Variants in CTNNA1 observed in about 807,000 individuals in gnomAD.
The protein encoded by CTNNA1 is catenin alpha 1.
Under a neutral mutation model 98.4 loss-of-function variants are expected in CTNNA1, and 37 were observed. The ratio of observed to expected loss-of-function variants is 0.38; its 90% CI spans 0.29 to 0.49. The LOEUF is 0.49. Ranked by LOEUF, CTNNA1 falls within the 20% of genes least tolerant of loss-of-function variation. The probability of loss-of-function intolerance (pLI) is 0.95; values close to 1 mark genes in which losing one functional copy is unlikely to be tolerated. For missense variants in CTNNA1, 761 were observed against 1,147.2 expected (o/e 0.66, Z 4.86); for synonymous variants, 404 against 413.2 (o/e 0.98, Z 0.27).
At chr5:138,882,953 C>T (rs1198715674) in intron 7 of CTNNA1, among the ~76,000 whole-genome samples, 2 of 152,172 alleles carry the variant, frequency 1.3e-5, no homozygotes, top group African/African-American at 4.8e-5. Flanking sequence ...CTCAGCCTCC[C>T]GAGTAGCTGG....
chr5:138,894,557 G>A (rs1756315975), intron 9 of CTNNA1, among the ~76,000 whole-genome samples: 1 of 152,030 alleles, frequency 6.6e-6, no homozygotes, highest in South Asian at 2.1e-4. Context: ...ACAAGTGTGA[G>A]CCACTGCGCC....
At position 138,810,792 on chromosome 5, in the gene CTNNA1, A is replaced by G. The variant is rs556625001; in HGVS notation, c.468+588A>G. Reference sequence around the variant, plus strand: ...CCATTGTCATCATGGCCCGTTCTCAATGAGCTGTTGGGTACACCTCCCAGA... The same window carrying G: ...CCATTGTCATCATGGCCCGTTCTCAGTGAGCTGTTGGGTACACCTCCCAGA... On this transcript the variant is annotated intron_variant, in intron 4 of 17. Transcript: ENST00000302763. Among the ~76,000 whole-genome samples the G allele has an allele frequency of 2.6e-4, 39 of 152,276 alleles. No individual in the cohort carries two copies. The East Asian group carries it at 6.8e-3, about 26-fold the overall frequency.
rs1281831035 is a variant in CTNNA1 at position 138,827,931 on chromosome 5, CA to C, written c.1062+214del. ...TGAGAAATTTTCAACTTATAAAAAT[CA>C]TACAGTGAATACCTAGGAAATTTAT... On this transcript the variant is annotated intron_variant, in intron 7 of 17. Transcript: ENST00000302763. 17 of 571,792 alleles carry C rather than the reference CA, an allele frequency of 3.0e-5. No individual in the cohort carries two copies. In the African/African-American group the frequency reaches 3.2e-4, roughly 11 times the overall value. 35.4% of individuals were successfully genotyped at this position (571,792 alleles called of 1,614,324 possible).
chr5:138,757,696 C>T (rs989381845), intron 1 of CTNNA1, among the ~76,000 whole-genome samples: 1 of 152,126 alleles, frequency 6.6e-6, no homozygotes, highest in African/African-American at 2.4e-5. Context: ...GGAAGGGAGC[C>T]TTGTAAGCTC....
intron 7 of CTNNA1, among the ~76,000 whole-genome samples, chr5:138,857,187 A>G (rs902105816): frequency 6.6e-6 from 1 of 152,344 alleles, no homozygotes; most frequent in East Asian, 1.9e-4. Flanking sequence ...CAAAACAAGA[A>G]AAATTGCCAG....
At chr5:138,814,294 G>A (rs1157894933) in intron 5 of CTNNA1, among the ~76,000 whole-genome samples, 2 of 151,432 alleles carry the variant, frequency 1.3e-5, no homozygotes, top group African/African-American at 2.4e-5. Flanking sequence ...TGTTGCCCAG[G>A]CTGGAGCGCA....
chr5:138,895,080 T>C lies in CTNNA1; in HGVS notation c.1296+7438T>C, dbSNP rs1397415820. 2.6e-5 allele frequency among the ~76,000 whole-genome samples: 4 copies of C among 152,198 alleles called. No homozygotes were observed. The East Asian group carries it at 7.7e-4, about 29-fold the overall frequency. ...CCCCACCCCATACTCCAAAAGAATA[T>C]AAGTTATCTGAGGACATGGGCCAAG... On this transcript the variant is annotated intron_variant, in intron 9 of 17. Coordinates refer to ENST00000302763, the MANE Select transcript of CTNNA1 (RefSeq NM_001903.5).
chr5:138,925,656 C>T (rs1475353275), intron 13 of CTNNA1, among the ~76,000 whole-genome samples: 1 of 152,156 alleles, frequency 6.6e-6, no homozygotes, highest in African/African-American at 2.4e-5. Flanking sequence ...TAAACAGTCT[C>T]TACAACATGA....
At chr5:138,769,365 TTTA>T (rs1753272609) in intron 1 of CTNNA1, among the ~76,000 whole-genome samples, 1 of 151,388 alleles carries the variant, frequency 6.6e-6, no homozygotes, top group Admixed American at 6.6e-5. Flanking sequence ...TTTATTTTTA[TTTA>T]TTATTTTTGG....
chr5:138,796,090 A>G (rs1262572013), intron 3 of CTNNA1, among the ~76,000 whole-genome samples: 2 of 152,198 alleles, frequency 1.3e-5, no homozygotes, highest in African/African-American at 4.8e-5. Flanking sequence ...ACTATCCTCT[A>G]GAGAGTAATA....
At position 138,874,789 on chromosome 5, in the gene CTNNA1, C is replaced by G. The variant is rs1751123284; in HGVS notation, c.1063-11423C>G. On this transcript the variant is annotated intron_variant, in intron 7 of 17. Transcript: ENST00000302763. The surrounding 1 kb of genome is among the most constrained non-coding windows in gnomAD (Gnocchi z 4.1). ...TGTCATCATCGATATATGCTTTTAC[C>G]TAAACCTCAAAATCCAAAATATGAT... 2 of 1,043,856 alleles carry G rather than the reference C, an allele frequency of 1.9e-6. No homozygotes were observed. The highest frequency in any genetic ancestry group is 2.9e-6 in the Non-Finnish European group (2 of 694,968). 64.7% of individuals were successfully genotyped at this position (1,043,856 alleles called of 1,614,324 possible). A position where few individuals can be genotyped will look rare whatever the true frequency, so the allele number is the denominator to read the frequency against.
At chr5:138,829,937 C>T (rs1182919209) in intron 7 of CTNNA1, among the ~76,000 whole-genome samples, 7 of 151,830 alleles carry the variant, frequency 4.6e-5, no homozygotes, top group African/African-American at 1.5e-4. Flanking sequence ...GAGGCTGAGG[C>T]GGGCAGATCA....
chr5:138,933,895 T>C lies in CTNNA1; in HGVS notation c.2527T>C (p.Tyr843His), dbSNP rs1189986841. 6.2e-7 allele frequency: 1 copy of C among 1,614,140 alleles called. No individual in the cohort carries two copies. The highest frequency in any genetic ancestry group is 1.3e-5 in the African/African-American group (1 of 75,024). Residue 843 changes from tyrosine (Y) to histidine (H), a missense_variant, in exon 18 of 18, where the codon TAC becomes CAC. By Grantham distance (83) the Tyr-to-His change is moderately conservative. Transcript: ENST00000302763. ...VKASYVASTKYQKSQGMASLN... is the reference protein window; with the variant it reads ...VKASYVASTKHQKSQGMASLN... The stretch of plus-strand genomic sequence containing the variant: ...GGCATCCTACGTCGCCTCTACCAAA[T>C]ACCAAAAGTCACAGGGTATGGCTTC...
chr5:138,811,895 A>T, intron 4 of CTNNA1: 1 of 279,412 alleles, frequency 3.6e-6, no homozygotes, highest in Non-Finnish European at 6.9e-6. Context: ...GCTCGGCATC[A>T]GAGGGAGACC....
chr5:138,870,945 G>A (rs917728638), intron 7 of CTNNA1: 5 of 152,282 alleles, frequency 3.3e-5, no homozygotes, highest in East Asian at 1.9e-4. Context: ...CACCACTCGA[G>A]ATCAACTGAA....
intron 1 of CTNNA1, among the ~76,000 whole-genome samples, chr5:138,780,895 TTTTC>T (rs1397915093): frequency 4.6e-5 from 7 of 151,100 alleles, no homozygotes; most frequent in Non-Finnish European, 7.4e-5. Context: ...ATGCCTTTTC[TTTTC>T]TTTTTTTCTT....
chr5:138,816,535 A>AT (rs916062836), intron 5 of CTNNA1, among the ~76,000 whole-genome samples: 4 of 151,882 alleles, frequency 2.6e-5, no homozygotes, highest in African/African-American at 7.2e-5. Context: ...TCCCACCAGC[A>AT]TTTTTTTTCC....
chr5:138,934,775 A>G lies in CTNNA1; in HGVS notation c.*686A>G, dbSNP rs1223016901. ...CCTCTTTCTCCCAGCTTCAAATGCA[A>G]ATTCATCATTGGGCTCACTTCTAAT... On this transcript the variant is annotated 3_prime_UTR_variant, in exon 18 of 18. Transcript: ENST00000302763. 6.6e-6 allele frequency: 1 copy of G among 152,650 alleles called. No individual in the cohort carries two copies. Among genetic ancestry groups the G allele is most frequent in the East Asian group, 1.9e-4 (1 of 5,194 alleles). 9.5% of individuals were successfully genotyped at this position (152,650 alleles called of 1,614,324 possible).
chr5:138,868,891 A>C (rs1197490195), intron 7 of CTNNA1: 1 of 152,196 alleles, frequency 6.6e-6, no homozygotes, highest in Non-Finnish European at 1.5e-5. Context: ...CAAAATTGAT[A>C]GGTTATCAAG....
Sources: allele counts gnomAD v4.1 joint callset (sites outside exome capture counted in the v4.1 genomes callset), GRCh38; gene constraint gnomAD v4.1.1; non-coding constraint Gnocchi (gnomAD v3.1); transcripts MANE v1.5; gene names NCBI Gene and HGNC (gene_info 2026-07-23, HGNC 2026-07-21).